PRDM6: variants seen among roughly 807,000 people sequenced by gnomAD.
PRDM6 encodes the protein PR/SET domain 6.
PRDM6 carries 25 observed loss-of-function variants against 60.8 expected under a neutral mutation model. The ratio of observed to expected loss-of-function variants is 0.41; its 90% CI spans 0.30 to 0.57. The LOEUF (loss-of-function observed/expected upper bound fraction) is 0.57. Ranked by LOEUF, PRDM6 falls within the 20% of genes least tolerant of loss-of-function variation. The probability of loss-of-function intolerance (pLI) is 0.27; values close to 1 mark genes in which losing one functional copy is unlikely to be tolerated. For synonymous variants in PRDM6, 407 were observed against 357.4 expected, an observed-to-expected ratio of 1.14 and a Z score of -1.57; for missense variants, 839 against 821.3, an observed-to-expected ratio of 1.02 and a Z score of -0.26.
chr5:123,125,617 G>T (rs370638760), intron 3 of PRDM6, among the ~76,000 whole-genome samples: 4 of 152,162 alleles, frequency 2.6e-5, no homozygotes, highest in African/African-American at 9.7e-5. Flanking sequence ...TGTAAGCAAG[G>T]ATACTCTTGG....
intron 3 of PRDM6, among the ~76,000 whole-genome samples, chr5:123,140,695 G>A (rs1403410947): frequency 2.6e-5 from 4 of 152,028 alleles, no homozygotes; most frequent in African/African-American, 9.7e-5. Context: ...TTTGCTTTCC[G>A]ATGAAATTGT....
intron 3 of PRDM6, among the ~76,000 whole-genome samples, chr5:123,124,080 G>T (rs1358592347): frequency 1.1e-4 from 17 of 152,188 alleles, no homozygotes; most frequent in Admixed American, 3.3e-4. Context: ...CAACCTTAGA[G>T]ACTGACTTGC....
Position 123,189,820 on chromosome 5 carries a change from C to G in PRDM6, c.*2619C>G, listed in dbSNP as rs561834932. On this transcript the variant is annotated 3_prime_UTR_variant, in exon 8 of 8. Coordinates refer to ENST00000407847, the MANE Select transcript of PRDM6 (RefSeq NM_001136239.4). ...TCTGTCCACAAAGACAGGCTTACAC[C>G]TGGACATTGACTTGGAACCCTGAAG... The G allele has an allele frequency of 1.3e-5, 2 of 152,216 alleles. No homozygotes were observed. Among genetic ancestry groups the G allele is most frequent in the Admixed American group, 6.5e-5 (1 of 15,276 alleles). 9.4% of individuals were successfully genotyped at this position (152,216 alleles called of 1,614,324 possible).
intron 3 of PRDM6, among the ~76,000 whole-genome samples, chr5:123,115,097 A>T (rs1764404219): frequency 6.6e-6 from 1 of 152,214 alleles, no homozygotes. Flanking sequence ...GTAGTTCTGT[A>T]AACCTGTGTG....
intron 5 of PRDM6, among the ~76,000 whole-genome samples, chr5:123,165,886 T>C (rs919399184): frequency 6.6e-6 from 1 of 152,230 alleles, no homozygotes; most frequent in Admixed American, 6.5e-5. Context: ...AATCTTTTTT[T>C]GGCTTGCCAT....
chr5:123,162,837 A>T lies in PRDM6; in HGVS notation c.1153+3199A>T, dbSNP rs116152390. ...TTGACTGCCTCTAAGATGGATTCTC[A>T]TTCCATGTGATTCACTGGGAGACCT... is the stretch of plus-strand genomic sequence containing the variant. On this transcript the variant is annotated intron_variant, in intron 5 of 7. Transcript: ENST00000407847. Among the ~76,000 whole-genome samples, 1,292 of 152,348 alleles carry T rather than the reference A, an allele frequency of 8.5e-3. 26 individuals are homozygous for T. Among genetic ancestry groups the T allele is most frequent in the African/African-American group, 0.03 (1,229 of 41,576 alleles).
chr5:123,110,554 CT>C (rs1305956914), intron 3 of PRDM6, among the ~76,000 whole-genome samples: 196 of 127,496 alleles, frequency 1.5e-3, no homozygotes, highest in East Asian at 5.3e-3. Context: ...ACCCGGCCTA[CT>C]TTTTTTTTTT....
chr5:123,161,518 C>T (rs546564641), intron 5 of PRDM6, among the ~76,000 whole-genome samples: 1 of 152,262 alleles, frequency 6.6e-6, no homozygotes, highest in South Asian at 2.1e-4. Context: ...GGAAGGTGGC[C>T]TTTGGGCAAA....
chr5:123,109,649 C>A (rs912645581), intron 3 of PRDM6, among the ~76,000 whole-genome samples: 1 of 151,992 alleles, frequency 6.6e-6, no homozygotes, highest in Non-Finnish European at 1.5e-5. Flanking sequence ...TTAAAAAAAA[C>A]CCCATTGGAT....
At position 123,118,779 on chromosome 5, in the gene PRDM6, G is replaced by GTC. The variant is rs534345751; in HGVS notation, c.900+18820_900+18821dup. Among the ~76,000 whole-genome samples the GTC allele has an allele frequency of 2.9e-4, 44 of 152,306 alleles. No homozygotes were observed. In the South Asian group the frequency reaches 9.1e-3, roughly 32 times the overall value. ...AATGGTGCTGGAATGGGGAAGAGGA[G>GTC]TCTAAGGCAGCAATTTTCTGCCCTA... On this transcript the variant is annotated intron_variant, in intron 3 of 7. Transcript: ENST00000407847.
At chr5:123,147,053 G>A (rs944677233) in intron 3 of PRDM6, among the ~76,000 whole-genome samples, 4 of 152,106 alleles carry the variant, frequency 2.6e-5, no homozygotes, top group East Asian at 1.9e-4. Context: ...AAATGAACGC[G>A]TGAACGAATG....
chr5:123,095,670 G>T (rs564471376), intron 2 of PRDM6, among the ~76,000 whole-genome samples: 1 of 152,362 alleles, frequency 6.6e-6, no homozygotes, highest in South Asian at 2.1e-4. Context: ...GGATAGTGGC[G>T]CCCAGGCGGG....
intron 6 of PRDM6, among the ~76,000 whole-genome samples, chr5:123,171,978 C>A (rs1765899492): frequency 6.6e-6 from 1 of 152,092 alleles, no homozygotes. Flanking sequence ...GATTAAAATC[C>A]AAGTATCTAA....
rs758491369 is a variant in PRDM6, at chr5:123,188,877, G to T, written c.*1676G>T. 10 of 151,960 alleles carry T rather than the reference G, an allele frequency of 6.6e-5. No homozygotes were observed. Among genetic ancestry groups the T allele is most frequent in the Non-Finnish European group, 8.8e-5 (6 of 67,998 alleles). 9.4% of individuals were successfully genotyped at this position (151,960 alleles called of 1,614,324 possible). ...CACATTTTAAATGGAATTCAACAGG[G>T]TCTAATTAATAAGTGTTTACAGTTA... is the stretch of plus-strand genomic sequence containing the variant. On this transcript the variant is annotated 3_prime_UTR_variant, in exon 8 of 8. Coordinates refer to ENST00000407847, the MANE Select transcript of PRDM6 (RefSeq NM_001136239.4).
chr5:123,169,914 C>T (rs947725808), intron 5 of PRDM6, among the ~76,000 whole-genome samples: 2 of 152,118 alleles, frequency 1.3e-5, no homozygotes, highest in Admixed American at 6.5e-5. Context: ...TTCCAAAGCC[C>T]GAGTCACAAG....
intron 3 of PRDM6, among the ~76,000 whole-genome samples, chr5:123,149,568 A>G (rs771789864): frequency 6.6e-6 from 1 of 152,208 alleles, no homozygotes; most frequent in Non-Finnish European, 1.5e-5. Flanking sequence ...TCTCAAAGGT[A>G]TAGTGGGTGC....
At chr5:123,114,656 A>C (rs1764393072) in intron 3 of PRDM6, among the ~76,000 whole-genome samples, 1 of 152,228 alleles carries the variant, frequency 6.6e-6, no homozygotes, top group Admixed American at 6.5e-5. Context: ...TTCAGGTTTA[A>C]GATTAAGGTA....
In PRDM6 at chr5:123,099,505, T is replaced by C. The variant is rs1367806625; in HGVS notation, c.593-149T>C. ...CTCTTCTCCTCCTCCTCTGAGTTGC[T>C]TCGGTGCCCCCAAGGCATCACCTTC... is the stretch of plus-strand genomic sequence containing the variant. On this transcript the variant is annotated intron_variant, in intron 2 of 7. Transcript: ENST00000407847. The surrounding 1 kb of genome is among the most constrained non-coding windows in gnomAD (Gnocchi z 4.0). 3.0e-6 allele frequency: 2 copies of C among 673,026 alleles called. No homozygotes were observed. The highest frequency in any genetic ancestry group is 2.3e-6 in the Non-Finnish European group (1 of 426,514). 41.7% of individuals were successfully genotyped at this position (673,026 alleles called of 1,614,324 possible). A position where few individuals can be genotyped will look rare whatever the true frequency, so the allele number is the denominator to read the frequency against.
At chr5:123,146,307 C>A (rs79716589) in intron 3 of PRDM6, among the ~76,000 whole-genome samples, 2 of 152,118 alleles carry the variant, frequency 1.3e-5, no homozygotes, top group African/African-American at 2.4e-5. Context: ...CTCCATAAGA[C>A]GTGTTGCACG....
Sources: allele counts gnomAD v4.1 joint callset (sites outside exome capture counted in the v4.1 genomes callset), GRCh38; gene constraint gnomAD v4.1.1; non-coding constraint Gnocchi (gnomAD v3.1); transcripts MANE v1.5; gene names NCBI Gene and HGNC (gene_info 2026-07-23, HGNC 2026-07-21).